Variants in SLCO6A1 observed in about 807,000 individuals in gnomAD.
The protein encoded by SLCO6A1 is cancer/testis antigen 48.
SLCO6A1 carries 65 observed loss-of-function variants against 72.7 expected under a neutral mutation model. The ratio of observed to expected loss-of-function variants is 0.89; its 90% CI spans 0.73 to 1.10. The LOEUF (loss-of-function observed/expected upper bound fraction) is 1.10. Ranked by LOEUF, SLCO6A1 falls within the 50% of genes least tolerant of loss-of-function variation. The pLI, the probability that SLCO6A1 is intolerant of heterozygous loss-of-function variation, is 0.00. For missense variants in SLCO6A1, 874 were observed against 872.6 expected (o/e 1.00, Z -0.02); for synonymous variants, 314 against 298.2 (o/e 1.05, Z -0.55).
intron 4 of SLCO6A1, among the ~76,000 whole-genome samples, chr5:102,460,887 A>G (rs1254969349): frequency 1.6e-5 from 1 of 61,484 alleles, no homozygotes; most frequent in Admixed American, 1.7e-4. Flanking sequence ...GATTGTCATT[A>G]CCCACTTATC....
chr5:102,477,902 C>T, intron 2 of SLCO6A1, 41 bp from the exon 3 acceptor site: 2 of 1,524,762 alleles, frequency 1.3e-6, no homozygotes, highest in Non-Finnish European at 1.8e-6. Context: ...TAATTGAACT[C>T]AAACATAAAA....
At chr5:102,406,325 T>G (rs1034618400) in intron 9 of SLCO6A1, among the ~76,000 whole-genome samples, 4 of 152,012 alleles carry the variant, frequency 2.6e-5, no homozygotes, top group African/African-American at 9.7e-5. Context: ...AATGATTTAA[T>G]ATCATGCAAA....
chr5:102,419,961 G>A lies in SLCO6A1; in HGVS notation c.1337C>T (p.Thr446Ile). The A allele has an allele frequency of 6.2e-7, 1 of 1,604,152 alleles. No homozygotes were observed. The highest frequency in any genetic ancestry group is 8.5e-7 in the Non-Finnish European group (1 of 1,177,052). Residue 446 changes from threonine (T) to isoleucine (I), a missense_variant, in exon 8 of 14, where the codon ACA (threonine) becomes ATA (isoleucine). Transcript: ENST00000506729. ...AAGGGCTTTACAAGACATTTCTAAT[G>A]TGGAAACAATGACACCTCCCAGAAG... ...GQLLGGVIVS[T>I]LEMSCKALMR...
intron 4 of SLCO6A1, among the ~76,000 whole-genome samples, chr5:102,462,712 T>A (rs1751102197): frequency 6.6e-6 from 1 of 151,970 alleles, no homozygotes; most frequent in Non-Finnish European, 1.5e-5. Context: ...GGATCCTCAT[T>A]GTCCATTTAT....
intron 6 of SLCO6A1, among the ~76,000 whole-genome samples, chr5:102,448,353 G>A (rs1391365293): frequency 1.3e-5 from 2 of 152,164 alleles, no homozygotes; most frequent in Non-Finnish European, 2.9e-5. Context: ...TTTTGTTTTG[G>A]TTAGATGGAG....
chr5:102,458,586 C>A, intron 5 of SLCO6A1, 95 bp from the exon 6 acceptor site: 1 of 739,388 alleles, frequency 1.4e-6, no homozygotes, highest in Non-Finnish European at 2.2e-6. Flanking sequence ...TTCAATTAAT[C>A]CTGAAATGGC....
intron 6 of SLCO6A1, among the ~76,000 whole-genome samples, chr5:102,453,884 G>T (rs1455741991): frequency 6.6e-6 from 1 of 152,068 alleles, no homozygotes; most frequent in Non-Finnish European, 1.5e-5. Flanking sequence ...CAAGTTTCAG[G>T]CAGTTTACAA....
chr5:102,489,393 C>G (rs555650517), intron 1 of SLCO6A1, among the ~76,000 whole-genome samples: 1 of 152,120 alleles, frequency 6.6e-6, no homozygotes, highest in African/African-American at 2.4e-5. Flanking sequence ...GGAACTCAAA[C>G]AATTCAATAG....
chr5:102,419,343 G>A (rs1748460667), intron 8 of SLCO6A1, among the ~76,000 whole-genome samples: 1 of 152,106 alleles, frequency 6.6e-6, no homozygotes. Context: ...TCCAATTCCA[G>A]TTTTGTTATT....
chr5:102,486,788 A>G (rs753355590), intron 1 of SLCO6A1, among the ~76,000 whole-genome samples: 2 of 152,168 alleles, frequency 1.3e-5, no homozygotes, highest in Non-Finnish European at 2.9e-5. Context: ...TTCTCTACCC[A>G]AAAATTCGTG....
In SLCO6A1 at chr5:102,498,924, G is replaced by C; in HGVS notation, c.-80C>G. 2 of 1,366,548 alleles carry C rather than the reference G, an allele frequency of 1.5e-6. No individual in the cohort carries two copies. Among genetic ancestry groups the C allele is most frequent in the Non-Finnish European group, 2.0e-6 (2 of 1,007,914 alleles). The allele number at this position is 1,366,548 out of a possible 1,614,324, so 84.7% of individuals were successfully genotyped here. A position where few individuals can be genotyped will look rare whatever the true frequency, so the allele number is the denominator to read the frequency against. On this transcript the variant is annotated 5_prime_UTR_variant, in exon 1 of 14. Coordinates refer to ENST00000506729, the MANE Select transcript of SLCO6A1 (RefSeq NM_173488.5). Reference sequence around the variant, plus strand: ...CCTGCCTGGGCCAACCCAAAGGCCAGCCTGGCGAGGGCGTCGGAGGACTCG... The same window carrying C: ...CCTGCCTGGGCCAACCCAAAGGCCACCCTGGCGAGGGCGTCGGAGGACTCG...
chr5:102,436,767 T>C (rs1429581864), intron 7 of SLCO6A1, among the ~76,000 whole-genome samples: 1 of 152,156 alleles, frequency 6.6e-6, no homozygotes, highest in Non-Finnish European at 1.5e-5. Flanking sequence ...CAGCTACCAT[T>C]TGAAAAGCAA....
intron 4 of SLCO6A1, among the ~76,000 whole-genome samples, chr5:102,468,660 C>G (rs888384251): frequency 6.6e-6 from 1 of 151,992 alleles, no homozygotes; most frequent in Non-Finnish European, 1.5e-5. Flanking sequence ...CTCCTGCTCA[C>G]TTTTAGTTAC....
rs1243278223 is a variant in SLCO6A1, at chr5:102,498,439, G to A, written c.358+48C>T. 3.9e-6 allele frequency: 6 copies of A among 1,553,542 alleles called. No individual in the cohort carries two copies. The African/African-American group carries it at 4.1e-5, about 11-fold the overall frequency. On this transcript the variant is annotated intron_variant, in intron 1 of 13. Coordinates refer to ENST00000506729, the MANE Select transcript of SLCO6A1 (RefSeq NM_173488.5). ...TACTCCCTCTCCCGCCTCCGCCAGTGCGGCCCCAGCTGCCCTCGCCACAAC... is the reference window on the plus strand; with the variant it reads ...TACTCCCTCTCCCGCCTCCGCCAGTACGGCCCCAGCTGCCCTCGCCACAAC...
At chr5:102,495,368 CG>C (rs1021612107) in intron 1 of SLCO6A1, among the ~76,000 whole-genome samples, 10 of 152,092 alleles carry the variant, frequency 6.6e-5, no homozygotes, top group African/African-American at 2.4e-4. Flanking sequence ...CCGCGGTGGG[CG>C]GATCACCAGA....
chr5:102,481,260 C>G (rs184447329), intron 1 of SLCO6A1, among the ~76,000 whole-genome samples: 5 of 152,036 alleles, frequency 3.3e-5, no homozygotes, highest in African/African-American at 1.2e-4. Flanking sequence ...GCCAGGAGCC[C>G]ACAGTCTTCC....
intron 1 of SLCO6A1, among the ~76,000 whole-genome samples, chr5:102,489,995 A>G (rs1357571514): frequency 6.6e-6 from 1 of 152,238 alleles, no homozygotes; most frequent in Non-Finnish European, 1.5e-5. Flanking sequence ...ACATGGAAAG[A>G]CAAGTACTGC....
chr5:102,458,303 G>A (rs1159773843), intron 6 of SLCO6A1, 79 bp downstream of exon 6: 2 of 1,052,962 alleles, frequency 1.9e-6, no homozygotes, highest in African/African-American at 1.6e-5. Context: ...ACCCTTTATG[G>A]GTATTTTCAT....
intron 9 of SLCO6A1, among the ~76,000 whole-genome samples, chr5:102,400,277 A>G (rs1747325531): frequency 6.6e-6 from 1 of 151,974 alleles, no homozygotes; most frequent in Admixed American, 6.6e-5. Flanking sequence ...ATTTTAAAGC[A>G]TTTTAAAATC....
Sources: gnomAD v4.1 joint callset for allele counts (sites outside exome capture counted in the v4.1 genomes callset) on GRCh38, gnomAD v4.1.1 for gene constraint, MANE v1.5 for transcripts, NCBI Gene and HGNC (gene_info 2026-07-23, HGNC 2026-07-21) for gene names.